The following KIRREL3 variants were observed in gnomAD, a reference collection of about 807,000 sequenced individuals.
KIRREL3 encodes the protein kirre like nephrin family adhesion molecule 3, also known as kin of IRRE-like protein 3.
A neutral mutation model predicts 89.7 loss-of-function variants in KIRREL3; 36 were observed. The ratio of observed to expected loss-of-function variants is 0.40; its 90% confidence interval spans 0.31 to 0.53. The LOEUF (loss-of-function observed/expected upper bound fraction) is 0.53. KIRREL3 is among the 20% of genes least tolerant of loss of function. The pLI is 0.49. For synonymous variants in KIRREL3, 445 were observed against 441.4 expected (o/e 1.01, Z -0.10); for missense variants, 864 against 1,056.6 (o/e 0.82, Z 2.53).
rs193022409 is a variant in KIRREL3, at chr11:126,780,026, G to C, written c.56-217114C>G. Among the ~76,000 whole-genome samples the C allele has an allele frequency of 9.3e-4, 141 of 152,262 alleles. No individual in the cohort carries two copies. The highest frequency in any genetic ancestry group is 3.0e-3 in the African/African-American group (126 of 41,546). ...AGTCTGGCTCTGTGGCTTCAACAGG[G>C]AGCCCCACGCTGTATCTGGAAGGGA... On this transcript the variant is annotated intron_variant, in intron 1 of 16. Coordinates refer to ENST00000525144, the MANE Select transcript of KIRREL3 (RefSeq NM_032531.4). This position sits in a 1 kb window ranked among gnomAD's most constrained non-coding sequence, Gnocchi z 5.3.
At chr11:126,460,984 G>A (rs755242318) in intron 6 of KIRREL3, among the ~76,000 whole-genome samples, 35 of 152,306 alleles carry the variant, frequency 2.3e-4, no homozygotes, top group Admixed American at 1.2e-3. Context: ...TCGAATGGCA[G>A]CCTGGAAGTA....
At chr11:126,831,340 C>T (rs1943598591) in intron 1 of KIRREL3, among the ~76,000 whole-genome samples, 1 of 152,112 alleles carries the variant, frequency 6.6e-6, no homozygotes, top group African/African-American at 2.4e-5. Flanking sequence ...TTCTTGGAGG[C>T]TATGCTCAAT....
At chr11:126,534,345 T>C (rs919981352) in intron 2 of KIRREL3, among the ~76,000 whole-genome samples, 3 of 152,124 alleles carry the variant, frequency 2.0e-5, no homozygotes, top group Non-Finnish European at 4.4e-5. Context: ...CTTCCGTTAG[T>C]AGAAAAAGGC....
rs1484416315 is a variant in KIRREL3, at chr11:126,683,556, TGGA to T, written c.56-120647_56-120645del. ...ATGGGAAGAGTAAGGGCACCCATCT[TGGA>T]GGAGATTTGGCACGTGATGCTCAGC... is the stretch of plus-strand genomic sequence containing the variant. On this transcript the variant is annotated intron_variant, in intron 1 of 16. Coordinates refer to ENST00000525144, the MANE Select transcript of KIRREL3 (RefSeq NM_032531.4). The surrounding 1 kb of genome is among the most constrained non-coding windows in gnomAD (Gnocchi z 5.2). 6.6e-6 allele frequency among the ~76,000 whole-genome samples: 1 copy of T among 152,212 alleles called. No individual in the cohort carries two copies. The highest frequency in any genetic ancestry group is 1.5e-5 in the Non-Finnish European group (1 of 68,034).
At chr11:126,451,352 G>A (rs1382083924) in intron 7 of KIRREL3, among the ~76,000 whole-genome samples, 7 of 136,948 alleles carry the variant, frequency 5.1e-5, no homozygotes, top group East Asian at 4.2e-4. Flanking sequence ...ATGTGTGTGC[G>A]TATGTGAGTG....
At chr11:126,846,033 G>T (rs1395490770) in intron 1 of KIRREL3, among the ~76,000 whole-genome samples, 2 of 152,114 alleles carry the variant, frequency 1.3e-5, no homozygotes, top group African/African-American at 4.8e-5. Flanking sequence ...AAAATCTAAG[G>T]TTCTCTTCTG....
intron 15 of KIRREL3, among the ~76,000 whole-genome samples, chr11:126,426,717 C>T (rs1326656858): frequency 6.6e-6 from 1 of 152,160 alleles, no homozygotes; most frequent in Non-Finnish European, 1.5e-5. Context: ...AGGTTCCCTC[C>T]TACTCTCTGG....
rs1949765329 is a variant in KIRREL3 at position 126,983,258 on chromosome 11, T to A, written c.55+17197A>T. ...AATAGATACACACGGGGGAAGGTCA[T>A]TTTCTCTAACTTACAAGTAGTGAGG... On this transcript the variant is annotated intron_variant, in intron 1 of 16. Coordinates refer to ENST00000525144, the MANE Select transcript of KIRREL3 (RefSeq NM_032531.4). This position sits in a 1 kb window ranked among gnomAD's most constrained non-coding sequence, Gnocchi z 4.9. Among the ~76,000 whole-genome samples, 2 of 152,178 alleles carry A rather than the reference T, an allele frequency of 1.3e-5. No homozygotes were observed. Among genetic ancestry groups the A allele is most frequent in the South Asian group, 4.1e-4 (2 of 4,824 alleles).
rs59342253 is a variant in KIRREL3, at chr11:126,678,599, C to CAAAAAAAAAAAAAAAAAAAA, written c.56-115707_56-115688dup. On this transcript the variant is annotated intron_variant, in intron 1 of 16. Transcript: ENST00000525144. ...TGGGCGATAGAGCAAGACTCTGTCT[C>CAAAAAAAAAAAAAAAAAAAA]AAAAAAAAAAAAAAAAAAAAAAAAA... 1.4e-4 allele frequency among the ~76,000 whole-genome samples: 7 copies of CAAAAAAAAAAAAAAAAAAAA among 50,046 alleles called. 1 individual carries two copies. Among genetic ancestry groups the CAAAAAAAAAAAAAAAAAAAA allele is most frequent in the African/African-American group, 2.5e-4 (3 of 12,224 alleles). 32.8% of individuals were successfully genotyped at this position (50,046 alleles called of 152,430 possible). A position where few individuals can be genotyped will look rare whatever the true frequency, so the allele number is the denominator to read the frequency against.
chr11:126,718,739 A>G (rs1446526100), intron 1 of KIRREL3, among the ~76,000 whole-genome samples: 2 of 152,180 alleles, frequency 1.3e-5, no homozygotes, highest in African/African-American at 4.8e-5. Flanking sequence ...GAATTAGACA[A>G]TAAGTGATTT....
In KIRREL3 at chr11:126,522,835, T is replaced by G. The variant is rs1472268216; in HGVS notation, c.284-1371A>C. Reference sequence around the variant, plus strand: ...CTCTCCTCAGAGGCTGCCCTCGGCTTCCACTCCCCTCTGGCAGCCCCAGGC... The same window carrying G: ...CTCTCCTCAGAGGCTGCCCTCGGCTGCCACTCCCCTCTGGCAGCCCCAGGC... On this transcript the variant is annotated intron_variant, in intron 3 of 16. Transcript: ENST00000525144. This position sits in a 1 kb window ranked among gnomAD's most constrained non-coding sequence, Gnocchi z 6.0. Among the ~76,000 whole-genome samples, 1 of 152,200 alleles carries G rather than the reference T, an allele frequency of 6.6e-6. No individual in the cohort carries two copies. The highest frequency in any genetic ancestry group is 2.4e-5 in the African/African-American group (1 of 41,446).
At chr11:126,473,511 G>C in intron 4 of KIRREL3, 45 bp from the exon 5 acceptor site, 2 of 1,482,322 alleles carry the variant, frequency 1.3e-6, no homozygotes, top group Non-Finnish European at 1.8e-6. Context: ...CTCCCACCTC[G>C]GGCAGGACGG....
chr11:126,667,450 G>A (rs1442462789), intron 1 of KIRREL3, among the ~76,000 whole-genome samples: 4 of 152,212 alleles, frequency 2.6e-5, no homozygotes, highest in Non-Finnish European at 5.9e-5. Flanking sequence ...GAAGGCAATT[G>A]CCTAGAAAAT....
chr11:126,571,897 A>G lies in KIRREL3; in HGVS notation c.56-8985T>C, dbSNP rs1048839656. On this transcript the variant is annotated intron_variant, in intron 1 of 16. Coordinates refer to ENST00000525144, the MANE Select transcript of KIRREL3 (RefSeq NM_032531.4). The surrounding 1 kb of genome is among the most constrained non-coding windows in gnomAD (Gnocchi z 7.7). ...TGAGTTACTTGCTAGGTGGGGGAACAGAGAAATAGGATCATGAAGGCCATT... is the reference window on the plus strand; with the variant it reads ...TGAGTTACTTGCTAGGTGGGGGAACGGAGAAATAGGATCATGAAGGCCATT... 1.2e-4 allele frequency among the ~76,000 whole-genome samples: 19 copies of G among 152,232 alleles called. No individual in the cohort carries two copies. The highest frequency in any genetic ancestry group is 4.1e-4 in the African/African-American group (17 of 41,466).
chr11:126,674,810 A>G (rs1946114027), intron 1 of KIRREL3, among the ~76,000 whole-genome samples: 1 of 152,190 alleles, frequency 6.6e-6, no homozygotes, highest in Admixed American at 6.5e-5. Flanking sequence ...CTTACCCTGC[A>G]CACTCCCACC....
At chr11:126,472,722 G>GAGAGAC (rs1956930997) in intron 5 of KIRREL3, among the ~76,000 whole-genome samples, 1 of 151,986 alleles carries the variant, frequency 6.6e-6, no homozygotes, top group African/African-American at 2.4e-5. Context: ...GAGAGAGAGA[G>GAGAGAC]AGAGAGAGAG....
At position 126,670,115 on chromosome 11, in the gene KIRREL3, C is replaced by T. The variant is rs150002256; in HGVS notation, c.56-107203G>A. On this transcript the variant is annotated intron_variant, in intron 1 of 16. Coordinates refer to ENST00000525144, the MANE Select transcript of KIRREL3 (RefSeq NM_032531.4). ...TGCACTGCCACTGTTCCAGTCCAAG[C>T]CTCCATCAACTCTTGCCTGAGCTTC... Among the ~76,000 whole-genome samples, 837 of 152,300 alleles carry T rather than the reference C, an allele frequency of 5.5e-3. 2 individuals carry two copies. The highest frequency in any genetic ancestry group is 9.1e-3 in the Non-Finnish European group (619 of 68,030).
intron 1 of KIRREL3, among the ~76,000 whole-genome samples, chr11:126,693,283 T>C (rs10893552): frequency 0.24 from 36,710 of 152,036 alleles, 4,736 homozygotes; most frequent in African/African-American, 0.32. Flanking sequence ...TAGCCGGGCG[T>C]GGTGGCGCGC....
Position 126,486,297 on chromosome 11 carries a change from G to A in KIRREL3, c.434-12831C>T, listed in dbSNP as rs1957357769. On this transcript the variant is annotated intron_variant, in intron 4 of 16. Coordinates refer to ENST00000525144, the MANE Select transcript of KIRREL3 (RefSeq NM_032531.4). This position sits in a 1 kb window ranked among gnomAD's most constrained non-coding sequence, Gnocchi z 6.2. ...GCAGAGAAGGGACAGTGGGGTGGGG[G>A]AGTGCATCAAACTGGAGAGAGGAAG... 6.6e-6 allele frequency among the ~76,000 whole-genome samples: 1 copy of A among 152,272 alleles called. No homozygotes were observed. The highest frequency in any genetic ancestry group is 6.5e-5 in the Admixed American group (1 of 15,306).
Sources: gnomAD v4.1 joint callset for allele counts (sites outside exome capture counted in the v4.1 genomes callset) on GRCh38, gnomAD v4.1.1 for gene constraint, Gnocchi (gnomAD v3.1) non-coding constraint, MANE v1.5 for transcripts, NCBI Gene and HGNC (gene_info 2026-07-23, HGNC 2026-07-21) for gene names.